Variants in KCTD8 observed in about 807,000 individuals in gnomAD.
The protein encoded by KCTD8 is BTB/POZ domain-containing protein KCTD8.
KCTD8 carries 27 observed loss-of-function variants against 31.5 expected under a neutral mutation model. The ratio of observed to expected loss-of-function variants is 0.86; its 90% CI spans 0.63 to 1.18. The LOEUF (loss-of-function observed/expected upper bound fraction) is 1.18, where lower values mean the gene tolerates loss of function less well. Among genes scored for constraint, KCTD8 ranks in the 50% most tolerant of loss-of-function variants. The probability of loss-of-function intolerance (pLI) is 0.00; values close to 1 mark genes in which losing one functional copy is unlikely to be tolerated. For synonymous variants in KCTD8, 290 were observed against 280.0 expected (o/e 1.04, Z -0.36); for missense variants, 658 against 647.7 (o/e 1.02, Z -0.17).
intron 1 of KCTD8, among the ~76,000 whole-genome samples, chr4:44,210,813 G>C (rs987588279): frequency 2.6e-5 from 4 of 152,154 alleles, no homozygotes; most frequent in Admixed American, 2.0e-4. Context: ...CTATTACTGG[G>C]AGAGTTTCTG....
chr4:44,432,254 C>A (rs766377937), intron 1 of KCTD8, among the ~76,000 whole-genome samples: 36 of 151,466 alleles, frequency 2.4e-4, no homozygotes, highest in Admixed American at 9.2e-4. Flanking sequence ...CAGTATCCTA[C>A]AACATAGATA....
At chr4:44,226,437 A>G (rs1161018480) in intron 1 of KCTD8, among the ~76,000 whole-genome samples, 3 of 152,162 alleles carry the variant, frequency 2.0e-5, no homozygotes, top group Non-Finnish European at 2.9e-5. Context: ...TATCTGGTCT[A>G]TCATTGATGG....
At chr4:44,219,960 T>C (rs1475777267) in intron 1 of KCTD8, among the ~76,000 whole-genome samples, 1 of 152,232 alleles carries the variant, frequency 6.6e-6, no homozygotes, top group Non-Finnish European at 1.5e-5. Flanking sequence ...AAAAATGTTG[T>C]TTTTTATTTC....
At chr4:44,327,126 A>C (rs941115285) in intron 1 of KCTD8, among the ~76,000 whole-genome samples, 4 of 151,972 alleles carry the variant, frequency 2.6e-5, no homozygotes, top group Non-Finnish European at 4.4e-5. Flanking sequence ...AACAAGTGAA[A>C]CATATAAAGT....
chr4:44,222,407 A>G (rs1714833370), intron 1 of KCTD8, among the ~76,000 whole-genome samples: 1 of 152,160 alleles, frequency 6.6e-6, no homozygotes, highest in Non-Finnish European at 1.5e-5. Flanking sequence ...ATTAACCCCA[A>G]CCTTGATTCT....
chr4:44,387,526 T>C lies in KCTD8; in HGVS notation c.961+60037A>G, dbSNP rs556117768. Among the ~76,000 whole-genome samples the C allele has an allele frequency of 1.2e-4, 18 of 151,810 alleles. No homozygotes were observed. The South Asian group carries it at 3.7e-3, about 31-fold the overall frequency. ...TAGCACTGGTACAAGAACAGACACA[T>C]AGAACAATGAAACAGAATAAAGAAC... On this transcript the variant is annotated intron_variant, in intron 1 of 1. Coordinates refer to ENST00000360029, the MANE Select transcript of KCTD8 (RefSeq NM_198353.3).
intron 1 of KCTD8, among the ~76,000 whole-genome samples, chr4:44,176,851 A>G (rs1267416833): frequency 1.1e-5 from 1 of 93,764 alleles, no homozygotes; most frequent in African/African-American, 4.5e-5. Flanking sequence ...CATAAAGTAT[A>G]TATGTCTACA....
intron 1 of KCTD8, among the ~76,000 whole-genome samples, chr4:44,303,903 T>C (rs533943556): frequency 1.3e-5 from 2 of 152,256 alleles, no homozygotes; most frequent in South Asian, 4.1e-4. Context: ...TAGCAGATCA[T>C]TAGCAGAAAA....
chr4:44,309,797 G>T (rs543693878), intron 1 of KCTD8, among the ~76,000 whole-genome samples: 7 of 152,118 alleles, frequency 4.6e-5, no homozygotes, highest in African/African-American at 1.7e-4. Flanking sequence ...GAGTCTAAAA[G>T]CTTTTTGTGT....
chr4:44,303,851 A>G (rs1242386706), intron 1 of KCTD8, among the ~76,000 whole-genome samples: 2 of 152,072 alleles, frequency 1.3e-5, no homozygotes, highest in South Asian at 4.1e-4. Context: ...CGTTTTTAAC[A>G]TTTTCTAAAA....
chr4:44,350,902 G>A (rs1357981075), intron 1 of KCTD8, among the ~76,000 whole-genome samples: 5 of 152,034 alleles, frequency 3.3e-5, no homozygotes, highest in East Asian at 3.9e-4. Context: ...CCAATCAGAC[G>A]TTCGTCAAAA....
rs184666141 is a variant in KCTD8 at position 44,203,559 on chromosome 4, C to A, written c.962-28309G>T. On this transcript the variant is annotated intron_variant, in intron 1 of 1. Coordinates refer to ENST00000360029, the MANE Select transcript of KCTD8 (RefSeq NM_198353.3). ...GCTAAGCATTCAACTAAGCGTTCAG[C>A]TCAATGGACTGAAAATAGAGCAAAG... Among the ~76,000 whole-genome samples the A allele has an allele frequency of 5.7e-4, 85 of 148,800 alleles. 1 individual carries two copies. The highest frequency in any genetic ancestry group is 5.6e-3 in the Admixed American group (84 of 14,938).
chr4:44,257,952 G>A (rs184002436), intron 1 of KCTD8, among the ~76,000 whole-genome samples: 45 of 152,054 alleles, frequency 3.0e-4, no homozygotes, highest in Non-Finnish European at 7.4e-5. Flanking sequence ...TCTTCAATAG[G>A]AACATTGATT....
intron 1 of KCTD8, among the ~76,000 whole-genome samples, chr4:44,309,983 T>C (rs1717906653): frequency 6.6e-6 from 1 of 152,076 alleles, no homozygotes; most frequent in Non-Finnish European, 1.5e-5. Flanking sequence ...CATTTTCAAA[T>C]ACCTAAGTCC....
intron 1 of KCTD8, among the ~76,000 whole-genome samples, chr4:44,243,468 A>C (rs1383897310): frequency 6.6e-6 from 1 of 152,212 alleles, no homozygotes; most frequent in Non-Finnish European, 1.5e-5. Context: ...GACTATATGC[A>C]TACACTCTTT....
chr4:44,320,170 CAAAAA>C (rs35250421), intron 1 of KCTD8, among the ~76,000 whole-genome samples: 22 of 31,918 alleles, frequency 6.9e-4, no homozygotes, highest in African/African-American at 2.8e-3. Context: ...GCCTCCATCT[CAAAAA>C]AAAAAAAAAA....
chr4:44,304,879 C>T (rs929907515), intron 1 of KCTD8, among the ~76,000 whole-genome samples: 4 of 151,588 alleles, frequency 2.6e-5, no homozygotes, highest in Non-Finnish European at 5.9e-5. Context: ...TCCTAGCAGG[C>T]ACCTAGAAGG....
intron 1 of KCTD8, among the ~76,000 whole-genome samples, chr4:44,321,089 AG>A (rs1718284042): frequency 6.6e-6 from 1 of 152,208 alleles, no homozygotes; most frequent in Admixed American, 6.5e-5. Flanking sequence ...CAACCATCCT[AG>A]GTGAATACTT....
chr4:44,189,870 C>T (rs976690219), intron 1 of KCTD8, among the ~76,000 whole-genome samples: 1 of 152,164 alleles, frequency 6.6e-6, no homozygotes. Flanking sequence ...TATAGAAGCA[C>T]CACAGTCTTC....
Sources: gnomAD v4.1 joint callset for allele counts (sites outside exome capture counted in the v4.1 genomes callset) on GRCh38, gnomAD v4.1.1 for gene constraint, MANE v1.5 for transcripts, NCBI Gene and HGNC (gene_info 2026-07-23, HGNC 2026-07-21) for gene names.